Variants in ASCC3 observed in about 807,000 individuals in gnomAD.
The protein encoded by ASCC3 is activating signal cointegrator 1 complex subunit 3.
A neutral mutation model predicts 256.3 loss-of-function variants in ASCC3; 158 were observed. That is an observed-to-expected ratio of 0.62 (90% confidence interval 0.54 to 0.70). The LOEUF (loss-of-function observed/expected upper bound fraction) is 0.70, where lower values mean the gene tolerates loss of function less well. ASCC3 is among the 30% of genes least tolerant of loss of function. The pLI is 0.00. For missense variants in ASCC3, 2,259 were observed against 2,626.0 expected (o/e 0.86, Z 3.05); for synonymous variants, 948 against 883.4 (o/e 1.07, Z -1.30).
At chr6:100,565,337 C>G (rs1214757716) in intron 36 of ASCC3, among the ~76,000 whole-genome samples, 1 of 152,116 alleles carries the variant, frequency 6.6e-6, no homozygotes, top group East Asian at 1.9e-4. Context: ...GCCCAAGTTC[C>G]TAATTCAAAG....
intron 36 of ASCC3, among the ~76,000 whole-genome samples, chr6:100,542,049 T>C (rs1194154863): frequency 6.6e-6 from 1 of 151,852 alleles, no homozygotes; most frequent in East Asian, 1.9e-4. Flanking sequence ...CATCAATGAG[T>C]TGTGAGACAA....
chr6:100,647,112 C>G, intron 21 of ASCC3, 114 bp downstream of exon 21: 2 of 1,000,386 alleles, frequency 2.0e-6, no homozygotes, highest in South Asian at 3.0e-5. Flanking sequence ...TTTATAAATA[C>G]GGTAAAATTT....
intron 10 of ASCC3, among the ~76,000 whole-genome samples, chr6:100,746,052 G>A (rs1420146212): frequency 6.7e-6 from 1 of 149,424 alleles, no homozygotes; most frequent in South Asian, 2.1e-4. Flanking sequence ...AATACTTATT[G>A]AAAACTTATT....
chr6:100,751,256 G>T (rs142355875), intron 10 of ASCC3, among the ~76,000 whole-genome samples: 1 of 151,986 alleles, frequency 6.6e-6, no homozygotes, highest in Non-Finnish European at 1.5e-5. Context: ...TATATCTTTA[G>T]CATTAATGCT....
At chr6:100,556,835 T>C (rs746263312) in intron 36 of ASCC3, among the ~76,000 whole-genome samples, 32 of 151,664 alleles carry the variant, frequency 2.1e-4, no homozygotes, top group Non-Finnish European at 4.0e-4. Flanking sequence ...GAGTGAACAT[T>C]TTTTTTTAAG....
intron 3 of ASCC3, among the ~76,000 whole-genome samples, chr6:100,860,824 C>T (rs1773189015): frequency 6.6e-6 from 1 of 152,050 alleles, no homozygotes; most frequent in South Asian, 2.1e-4. Context: ...ACAGTAAACA[C>T]TGCATATGTT....
chr6:100,857,558 T>A, intron 3 of ASCC3: 1 of 151,922 alleles, frequency 6.6e-6, no homozygotes, highest in East Asian at 1.9e-4. Context: ...AAATAGGTAC[T>A]TTTTTTCATC....
intron 34 of ASCC3, among the ~76,000 whole-genome samples, chr6:100,601,233 G>A (rs1562154287): frequency 6.6e-6 from 1 of 151,944 alleles, no homozygotes; most frequent in Admixed American, 6.6e-5. Context: ...TCATTGTAAC[G>A]ACTTATATGG....
intron 12 of ASCC3, among the ~76,000 whole-genome samples, chr6:100,717,765 A>G (rs1000207804): frequency 6.6e-6 from 1 of 152,098 alleles, no homozygotes; most frequent in Non-Finnish European, 1.5e-5. Context: ...ATGCCCTTCA[A>G]TCATTTCACG....
chr6:100,830,989 T>A (rs1771592861), intron 4 of ASCC3, among the ~76,000 whole-genome samples: 1 of 152,200 alleles, frequency 6.6e-6, no homozygotes, highest in Admixed American at 6.5e-5. Context: ...CATAACATCA[T>A]GATTAATTTT....
At chr6:100,534,283 A>T (rs1775058198) in intron 37 of ASCC3, among the ~76,000 whole-genome samples, 1 of 152,180 alleles carries the variant, frequency 6.6e-6, no homozygotes, top group Non-Finnish European at 1.5e-5. Flanking sequence ...CCAACCAAAC[A>T]AACAAAAAAT....
chr6:100,726,918 T>C (rs117898583), intron 10 of ASCC3, among the ~76,000 whole-genome samples: 2,108 of 152,156 alleles, frequency 0.014, 15 homozygotes, highest in Non-Finnish European at 0.022. Flanking sequence ...GTTCCAACTT[T>C]AGCCTGTCCA....
intron 37 of ASCC3, among the ~76,000 whole-genome samples, chr6:100,535,202 T>A (rs906003380): frequency 6.6e-6 from 1 of 152,172 alleles, no homozygotes; most frequent in African/African-American, 2.4e-5. Context: ...ATCATGCTGA[T>A]GTCCCATGAG....
chr6:100,730,298 G>GAAAACAAAGC (rs767232298), intron 10 of ASCC3, among the ~76,000 whole-genome samples: 1 of 148,438 alleles, frequency 6.7e-6, no homozygotes, highest in African/African-American at 2.5e-5. Context: ...CTCCATCTCT[G>GAAAACAAAGC]AAAACAAAAC....
Position 100,828,109 on chromosome 6 carries a change from C to T in ASCC3, c.801+20039G>A, listed in dbSNP as rs200017315. ...GTATTTTCTAAAAAAAAAAAAAAAA[C>T]GAAAAAAAGCTTAACACTGAAAAAA... On this transcript the variant is annotated intron_variant, in intron 4 of 41. Coordinates refer to ENST00000369162, the MANE Select transcript of ASCC3 (RefSeq NM_006828.4). Among the ~76,000 whole-genome samples the T allele has an allele frequency of 3.5e-3, 253 of 72,420 alleles. 1 individual carries two copies. The highest frequency in any genetic ancestry group is 0.011 in the African/African-American group (247 of 21,634). The allele number at this position is 72,420 out of a possible 152,430, so 47.5% of individuals were successfully genotyped here. A position where few individuals can be genotyped will look rare whatever the true frequency, so the allele number is the denominator to read the frequency against.
intron 36 of ASCC3, among the ~76,000 whole-genome samples, chr6:100,570,553 C>T (rs1220962489): frequency 6.6e-6 from 1 of 152,126 alleles, no homozygotes; most frequent in Non-Finnish European, 1.5e-5. Flanking sequence ...GTTCCTCACT[C>T]CTAGTTTTCT....
chr6:100,778,328 T>C (rs1782286485), intron 8 of ASCC3, among the ~76,000 whole-genome samples: 1 of 152,258 alleles, frequency 6.6e-6, no homozygotes, highest in East Asian at 1.9e-4. Context: ...AGAAAGGTAG[T>C]GATTCTTCCA....
chr6:100,542,500 G>A (rs1348331505), intron 36 of ASCC3, among the ~76,000 whole-genome samples: 3 of 152,102 alleles, frequency 2.0e-5, no homozygotes, highest in African/African-American at 7.2e-5. Context: ...GGCCAACATG[G>A]TGAAACCTCA....
intron 12 of ASCC3, among the ~76,000 whole-genome samples, chr6:100,717,738 G>A (rs1344343444): frequency 6.6e-6 from 1 of 151,980 alleles, no homozygotes; most frequent in Non-Finnish European, 1.5e-5. Flanking sequence ...TTTAATTGGA[G>A]TTTTTATTAT....
Sources: allele counts gnomAD v4.1 joint callset (sites outside exome capture counted in the v4.1 genomes callset), GRCh38; gene constraint gnomAD v4.1.1; transcripts MANE v1.5; gene names NCBI Gene and HGNC (gene_info 2026-07-23, HGNC 2026-07-21).